Variants in CDH8 observed in about 807,000 individuals in gnomAD.
The protein encoded by CDH8 is cadherin-8.
CDH8 carries 17 observed loss-of-function variants against 68.1 expected under a neutral mutation model. That is an observed-to-expected ratio of 0.25 (90% CI 0.17 to 0.37). The LOEUF (loss-of-function observed/expected upper bound fraction) is 0.37. CDH8 is among the 10% of genes least tolerant of loss of function. The pLI, the probability that CDH8 is intolerant of heterozygous loss-of-function variation, is 1.00. For synonymous variants in CDH8, 372 were observed against 365.1 expected, an observed-to-expected ratio of 1.02 and a Z score of -0.21; for missense variants, 763 against 999.3, an observed-to-expected ratio of 0.76 and a Z score of 3.19.
At chr16:62,002,996 G>A (rs1033848509) in intron 2 of CDH8, among the ~76,000 whole-genome samples, 1 of 152,068 alleles carries the variant, frequency 6.6e-6, no homozygotes, top group African/African-American at 2.4e-5. Flanking sequence ...AACTTGCAGT[G>A]AGCAGATATC....
chr16:61,992,041 G>A (rs1452386189), intron 2 of CDH8, among the ~76,000 whole-genome samples: 2 of 108,106 alleles, frequency 1.9e-5, no homozygotes, highest in Non-Finnish European at 2.2e-5. Flanking sequence ...CACAATACAT[G>A]CTAAATCTTT....
chr16:61,921,136 G>A (rs909514602), intron 2 of CDH8, among the ~76,000 whole-genome samples: 6 of 148,236 alleles, frequency 4.0e-5, no homozygotes, highest in Non-Finnish European at 8.9e-5. Context: ...GATAGCATTG[G>A]GAGATATACC....
chr16:61,830,311 CTG>C (rs1962427710), intron 4 of CDH8, among the ~76,000 whole-genome samples: 1 of 151,678 alleles, frequency 6.6e-6, no homozygotes, highest in African/African-American at 2.4e-5. Flanking sequence ...TTAGGGAAGA[CTG>C]TTTTCAAATT....
chr16:61,730,055 C>G (rs1455248085), intron 8 of CDH8, among the ~76,000 whole-genome samples: 1 of 151,148 alleles, frequency 6.6e-6, no homozygotes, highest in Non-Finnish European at 1.5e-5. Flanking sequence ...TACACATTTT[C>G]TTCCCACTCT....
intron 9 of CDH8, among the ~76,000 whole-genome samples, chr16:61,718,031 G>A (rs1002581836): frequency 5.9e-5 from 9 of 151,358 alleles, no homozygotes; most frequent in African/African-American, 1.9e-4. Flanking sequence ...GTGTGAGTGT[G>A]TATAAAATGT....
intron 2 of CDH8, among the ~76,000 whole-genome samples, chr16:61,945,343 A>G (rs1008291904): frequency 2.6e-5 from 4 of 151,242 alleles, no homozygotes; most frequent in African/African-American, 7.3e-5. Context: ...AACGGTTATT[A>G]CTGCTCAGAG....
chr16:61,713,873 T>C lies in CDH8; in HGVS notation c.1622A>G (p.Asn541Ser). Residue 541 changes from asparagine to serine, a missense_variant, in exon 10 of 12, where the codon AAC (asparagine) becomes AGC (serine). Physicochemically the swap from Asn to Ser is conservative, Grantham distance 46. This residue lies in a region of CDH8 where 397 missense variants were observed against 436.2 expected (regional missense o/e 0.91). Transcript: ENST00000577390. ...TTTCTTGATGGTGAAATTCGGATTGTTGACCATTTCTGGAAGGAGACTGTA... is the reference window on the plus strand; with the variant it reads ...TTTCTTGATGGTGAAATTCGGATTGCTGACCATTTCTGGAAGGAGACTGTA... ...FLYSLLPEMV[N>S]NPNFTIKKNE... 1 of 1,600,200 alleles carries C rather than the reference T, an allele frequency of 6.2e-7. No individual in the cohort carries two copies. Among genetic ancestry groups the C allele is most frequent in the African/African-American group, 1.3e-5 (1 of 74,556 alleles).
At chr16:61,893,400 ATG>A (rs886756278) in intron 3 of CDH8, among the ~76,000 whole-genome samples, 1 of 147,626 alleles carries the variant, frequency 6.8e-6, no homozygotes, top group South Asian at 2.1e-4. Context: ...GTACAGGTAG[ATG>A]TGTGTGTGTG....
At chr16:61,808,421 A>C (rs1008962562) in intron 7 of CDH8, among the ~76,000 whole-genome samples, 1 of 152,200 alleles carries the variant, frequency 6.6e-6, no homozygotes, top group Non-Finnish European at 1.5e-5. Flanking sequence ...GAAACATCAC[A>C]GTATTCTTCA....
At chr16:61,882,767 T>A (rs1963601251) in intron 3 of CDH8, among the ~76,000 whole-genome samples, 2 of 152,150 alleles carry the variant, frequency 1.3e-5, no homozygotes, top group African/African-American at 4.8e-5. Context: ...TAAGAAGTCA[T>A]GGATACTAGG....
intron 7 of CDH8, among the ~76,000 whole-genome samples, chr16:61,814,451 G>T (rs945773404): frequency 6.6e-6 from 1 of 152,116 alleles, no homozygotes; most frequent in Non-Finnish European, 1.5e-5. Context: ...TATAGTAGTA[G>T]GTATAAGAAG....
intron 10 of CDH8, among the ~76,000 whole-genome samples, chr16:61,671,017 G>A (rs1319048695): frequency 1.3e-5 from 2 of 151,862 alleles, no homozygotes; most frequent in African/African-American, 4.8e-5. Flanking sequence ...GGATAAGGGG[G>A]AACTATTGCA....
At chr16:61,862,609 C>T (rs1963172075) in intron 3 of CDH8, among the ~76,000 whole-genome samples, 1 of 152,142 alleles carries the variant, frequency 6.6e-6, no homozygotes. Flanking sequence ...TGTTGATGCA[C>T]CTGTACACTG....
At chr16:61,815,320 C>T (rs148213492) in intron 7 of CDH8, among the ~76,000 whole-genome samples, 2 of 152,270 alleles carry the variant, frequency 1.3e-5, no homozygotes, top group East Asian at 3.9e-4. Context: ...TAACTAGCAA[C>T]TACAATGAGA....
At chr16:61,890,955 C>T (rs369647940) in intron 3 of CDH8, among the ~76,000 whole-genome samples, 34 of 152,202 alleles carry the variant, frequency 2.2e-4, no homozygotes, top group African/African-American at 8.2e-4. Flanking sequence ...TCAGACAGCC[C>T]TATAGTGAAT....
chr16:61,827,583 A>T (rs1172474901), intron 4 of CDH8, among the ~76,000 whole-genome samples: 1 of 151,938 alleles, frequency 6.6e-6, no homozygotes, highest in Admixed American at 6.6e-5. Context: ...TTTTTTACTC[A>T]CTTGGAAATA....
At chr16:61,690,099 G>C (rs79164500) in intron 10 of CDH8, among the ~76,000 whole-genome samples, 1 of 152,060 alleles carries the variant, frequency 6.6e-6, no homozygotes, top group African/African-American at 2.4e-5. Flanking sequence ...ATGTTGAATA[G>C]TGAGTCCTAG....
chr16:61,709,733 T>C (rs539046111), intron 10 of CDH8, among the ~76,000 whole-genome samples: 1 of 148,112 alleles, frequency 6.8e-6, no homozygotes, highest in South Asian at 2.1e-4. Context: ...ATAGAAAGGT[T>C]AAAAAAAAAA....
chr16:61,810,235 TA>T (rs1293544654), intron 7 of CDH8, among the ~76,000 whole-genome samples: 1 of 152,190 alleles, frequency 6.6e-6, no homozygotes, highest in Non-Finnish European at 1.5e-5. Context: ...TTATTATGCC[TA>T]AAGAAACCAT....
Sources: allele counts gnomAD v4.1 joint callset (sites outside exome capture counted in the v4.1 genomes callset), GRCh38; gene constraint gnomAD v4.1.1; regional missense constraint gnomAD v4.1.1; transcripts MANE v1.5; gene names NCBI Gene and HGNC (gene_info 2026-07-23, HGNC 2026-07-21).